Variants in LINGO2 observed in about 807,000 individuals in gnomAD.
LINGO2 encodes the protein leucine-rich repeat and immunoglobulin-like domain-containing nogo receptor-interacting protein 2.
In LINGO2, 14 loss-of-function variants were observed where a neutral mutation model predicts 30.6. The observed-to-expected ratio is 0.46, with a 90% CI of 0.30 to 0.72. LINGO2 has a LOEUF of 0.72. LINGO2 is among the 30% of genes least tolerant of loss of function. LINGO2 has a pLI of 0.07. For synonymous variants in LINGO2, 317 were observed against 288.5 expected (o/e 1.10, Z -1.00); for missense variants, 729 against 751.7 (o/e 0.97, Z 0.35).
the LINGO2 span, among the ~76,000 whole-genome samples, chr9:29,100,150 C>G: frequency 6.6e-6 from 1 of 152,148 alleles, no homozygotes; most frequent in African/African-American, 2.4e-5. Flanking sequence ...ATCACATATT[C>G]TCACTTATCT....
the LINGO2 span, among the ~76,000 whole-genome samples, chr9:28,827,692 G>C: frequency 6.6e-6 from 1 of 151,998 alleles, no homozygotes; most frequent in Admixed American, 6.6e-5. Flanking sequence ...GATTTAATTA[G>C]GTTATTATAA....
intron 4 of LINGO2, among the ~76,000 whole-genome samples, chr9:28,055,681 A>AG (rs1824899689): frequency 6.6e-6 from 1 of 152,180 alleles, no homozygotes; most frequent in Admixed American, 6.6e-5. Flanking sequence ...CAAAAAACAA[A>AG]ATGCTTCTTT....
rs551166794 is a variant in LINGO2, at chr9:27,962,818, G to GA, written c.-35-12113dup. Among the ~76,000 whole-genome samples the GA allele has an allele frequency of 5.1e-3, 773 of 152,212 alleles. 4 individuals carry two copies. The highest frequency in any genetic ancestry group is 0.01 in the Middle Eastern group (3 of 294). On this transcript the variant is annotated intron_variant, in intron 5 of 5. Transcript: ENST00000379992. Reference sequence around the variant, plus strand: ...TTTTGTTTCATTAGGAATAAAGCAGGAAGCTAAAATCTATAGGGAGTTGAC... The same window carrying GA: ...TTTTGTTTCATTAGGAATAAAGCAGGAAAGCTAAAATCTATAGGGAGTTGAC...
intron 1 of LINGO2, among the ~76,000 whole-genome samples, chr9:28,546,448 C>T (rs1303234277): frequency 6.6e-6 from 1 of 152,034 alleles, no homozygotes; most frequent in Non-Finnish European, 1.5e-5. Context: ...AGTGAGGGAA[C>T]TCAGCAAGGC....
At chr9:28,569,547 T>C (rs1205920623) in intron 1 of LINGO2, among the ~76,000 whole-genome samples, 1 of 149,300 alleles carries the variant, frequency 6.7e-6, no homozygotes, top group East Asian at 2.0e-4. Flanking sequence ...AAGACAAATA[T>C]TGTATATCAC....
chr9:28,802,017 A>G, the LINGO2 span, among the ~76,000 whole-genome samples: 1 of 151,800 alleles, frequency 6.6e-6, no homozygotes, highest in African/African-American at 2.4e-5. Context: ...TGATACATTT[A>G]TATTATAACA....
At chr9:28,750,177 G>A in the LINGO2 span, among the ~76,000 whole-genome samples, 5 of 152,156 alleles carry the variant, frequency 3.3e-5, no homozygotes, top group East Asian at 1.9e-4. Flanking sequence ...TGATTCCTTC[G>A]CACTAGAATC....
intron 1 of LINGO2, among the ~76,000 whole-genome samples, chr9:28,539,458 T>C (rs376828667): frequency 6.6e-6 from 1 of 152,082 alleles, no homozygotes; most frequent in East Asian, 1.9e-4. Context: ...ACATTATGTT[T>C]ACAAGGTATG....
the LINGO2 span, among the ~76,000 whole-genome samples, chr9:28,732,458 A>G: frequency 6.6e-6 from 1 of 152,158 alleles, no homozygotes; most frequent in Non-Finnish European, 1.5e-5. Flanking sequence ...CTCAAAAGAC[A>G]ACAATAAATA....
the LINGO2 span, among the ~76,000 whole-genome samples, chr9:29,106,137 A>C: frequency 6.6e-6 from 1 of 152,284 alleles, no homozygotes; most frequent in South Asian, 2.1e-4. Context: ...GAAGGGATCA[A>C]GTTTTTATAC....
chr9:28,610,389 G>A (rs10968673), intron 1 of LINGO2, among the ~76,000 whole-genome samples: 12,079 of 152,058 alleles, frequency 0.079, 639 homozygotes, highest in East Asian at 0.18. Context: ...ATATTTCTAT[G>A]GTCTGAATGT....
In LINGO2 at chr9:28,241,511, C is replaced by T. The variant is rs145985366; in HGVS notation, c.-87+53697G>A. ...TGTGGTGCAGCCGCCCACCTGAGAG[C>T]CACAGGGGGCAGGGGAGCCACCCTC... is the stretch of plus-strand genomic sequence containing the variant. On this transcript the variant is annotated intron_variant, in intron 4 of 5. Transcript: ENST00000379992. 3.0e-3 allele frequency among the ~76,000 whole-genome samples: 449 copies of T among 152,130 alleles called. 1 individual carries two copies. Among genetic ancestry groups the T allele is most frequent in the Non-Finnish European group, 5.1e-3 (349 of 67,970 alleles).
At chr9:29,136,643 T>A in the LINGO2 span, among the ~76,000 whole-genome samples, 1 of 152,304 alleles carries the variant, frequency 6.6e-6, no homozygotes, top group South Asian at 2.1e-4. Context: ...GTTATATCTA[T>A]GATCACCTAA....
chr9:29,196,791 C>T, the LINGO2 span, among the ~76,000 whole-genome samples: 1 of 151,964 alleles, frequency 6.6e-6, no homozygotes, highest in Non-Finnish European at 1.5e-5. Flanking sequence ...AAAATAAATG[C>T]TTGGTATTCT....
Position 28,264,385 on chromosome 9 carries a change from T to C in LINGO2, c.-87+30823A>G, listed in dbSNP as rs566785497. Among the ~76,000 whole-genome samples the C allele has an allele frequency of 1.8e-4, 27 of 152,116 alleles. 1 individual carries two copies. Among genetic ancestry groups the C allele is most frequent in the African/African-American group, 6.0e-4 (25 of 41,546 alleles). On this transcript the variant is annotated intron_variant, in intron 4 of 5. Transcript: ENST00000379992. ...AAGGTATCTGTACATAAAAATATTA[T>C]CTCTTAATAAAAGAAATACAATGGC...
intron 4 of LINGO2, among the ~76,000 whole-genome samples, chr9:28,061,053 A>G (rs1825128295): frequency 1.3e-5 from 2 of 151,686 alleles, no homozygotes; most frequent in South Asian, 4.2e-4. Context: ...ATACCTTGCA[A>G]TTGTTCTTGA....
chr9:28,142,603 T>C (rs1827705447), intron 4 of LINGO2, among the ~76,000 whole-genome samples: 1 of 152,198 alleles, frequency 6.6e-6, no homozygotes, highest in East Asian at 1.9e-4. Context: ...CTAGGTTAAC[T>C]AATGAAAAGA....
At chr9:28,839,565 G>A in the LINGO2 span, among the ~76,000 whole-genome samples, 1 of 152,152 alleles carries the variant, frequency 6.6e-6, no homozygotes, top group African/African-American at 2.4e-5. Context: ...GCTGCTGAGA[G>A]GAGACCCACA....
intron 4 of LINGO2, among the ~76,000 whole-genome samples, chr9:28,103,524 G>A (rs1826477671): frequency 6.6e-6 from 1 of 152,052 alleles, no homozygotes; most frequent in African/African-American, 2.4e-5. Context: ...AAGACACATG[G>A]CCTACTTGCC....
Sources: allele counts gnomAD v4.1 joint callset (sites outside exome capture counted in the v4.1 genomes callset), GRCh38; gene constraint gnomAD v4.1.1; transcripts MANE v1.5; gene names NCBI Gene and HGNC (gene_info 2026-07-23, HGNC 2026-07-21).